The following GRIP1 variants were observed in gnomAD, a reference collection of about 807,000 sequenced individuals.
GRIP1 encodes glutamate receptor-interacting protein 1.
In GRIP1, 45 loss-of-function variants were observed where a neutral mutation model predicts 129.9. That is an observed-to-expected ratio of 0.35 (90% CI 0.27 to 0.44). The LOEUF (loss-of-function observed/expected upper bound fraction) is 0.44, where lower values mean the gene tolerates loss of function less well. Among genes scored for constraint, GRIP1 ranks in the 20% least tolerant of loss-of-function variants. GRIP1 has a pLI of 1.00. For missense variants in GRIP1, 1,196 were observed against 1,396.8 expected (o/e 0.86, Z 2.29); for synonymous variants, 530 against 520.8 (o/e 1.02, Z -0.24).
intron 1 of GRIP1, among the ~76,000 whole-genome samples, chr12:66,732,843 C>T (rs953634425): frequency 6.6e-6 from 1 of 152,092 alleles, no homozygotes; most frequent in African/African-American, 2.4e-5. Context: ...CTAATCCCCA[C>T]TTTGTTCAAT....
chr12:66,487,592 C>G (rs1340102167), intron 7 of GRIP1, among the ~76,000 whole-genome samples: 2 of 152,070 alleles, frequency 1.3e-5, no homozygotes, highest in East Asian at 3.9e-4. Flanking sequence ...TGCAAAATAA[C>G]CAGCTAGCAT....
chr12:66,672,490 AT>A (rs745766200), intron 1 of GRIP1, among the ~76,000 whole-genome samples: 2,273 of 147,522 alleles, frequency 0.015, 32 homozygotes, highest in African/African-American at 0.037. Context: ...ATCTGGGTGC[AT>A]TTTTTTTTTG....
At chr12:66,980,108 A>G (rs2042222122) in intron 1 of GRIP1, among the ~76,000 whole-genome samples, 1 of 152,200 alleles carries the variant, frequency 6.6e-6, no homozygotes, top group Non-Finnish European at 1.5e-5. Context: ...AAGACTCACA[A>G]TCTGGTACCA....
chr12:66,903,001 T>G, intron 1 of GRIP1, among the ~76,000 whole-genome samples: 1 of 152,190 alleles, frequency 6.6e-6, no homozygotes, highest in East Asian at 1.9e-4. Context: ...TTTAAATACA[T>G]TATTTATACA....
intron 1 of GRIP1, among the ~76,000 whole-genome samples, chr12:66,916,014 G>A (rs1170523341): frequency 6.6e-6 from 1 of 152,140 alleles, no homozygotes; most frequent in African/African-American, 2.4e-5. Context: ...TTTTGTTGGG[G>A]GCAAGGGCAG....
chr12:66,362,874 T>G (rs1443034198), intron 23 of GRIP1, among the ~76,000 whole-genome samples: 1 of 151,700 alleles, frequency 6.6e-6, no homozygotes, highest in African/African-American at 2.4e-5. Context: ...CTTCTCTCGC[T>G]CAGAGCTCAG....
intron 1 of GRIP1, among the ~76,000 whole-genome samples, chr12:66,775,474 A>G (rs1480930263): frequency 1.3e-5 from 2 of 152,144 alleles, no homozygotes; most frequent in Admixed American, 1.3e-4. Flanking sequence ...TGGTTTTTTA[A>G]AATCATCTTC....
rs557796844 is a variant in GRIP1, at chr12:66,935,134, T to C, written c.58+133916A>G. ...GCTTTGACTGTGAAGATTTTCTTCA[T>C]AGGACTTTTTGGCCTCAATTAGTTG... On this transcript the variant is annotated intron_variant, in intron 1 of 1. Coordinates refer to the GRIP1 transcript ENST00000643019. Among the ~76,000 whole-genome samples the C allele has an allele frequency of 1.2e-3, 186 of 152,354 alleles. 4 individuals are homozygous for C. The South Asian group carries it at 0.037, about 30-fold the overall frequency.
At chr12:66,360,217 A>C (rs2054687576) in intron 23 of GRIP1, among the ~76,000 whole-genome samples, 1 of 151,194 alleles carries the variant, frequency 6.6e-6, no homozygotes, top group South Asian at 2.1e-4. Flanking sequence ...CTAGCTGGTC[A>C]GGCAGCCTTT....
At chr12:66,354,403 T>C (rs895935356) in intron 23 of GRIP1, among the ~76,000 whole-genome samples, 2 of 152,192 alleles carry the variant, frequency 1.3e-5, no homozygotes, top group East Asian at 1.9e-4. Flanking sequence ...CATGGGGTGC[T>C]AGAAACAGCA....
intron 1 of GRIP1, among the ~76,000 whole-genome samples, chr12:66,616,393 T>C (rs2065039849): frequency 6.6e-6 from 1 of 152,182 alleles, no homozygotes; most frequent in Non-Finnish European, 1.5e-5. Context: ...TGCTTAGTCT[T>C]AGTGCACTAG....
intron 1 of GRIP1, among the ~76,000 whole-genome samples, chr12:66,914,817 C>T (rs1476460018): frequency 6.6e-6 from 1 of 152,128 alleles, no homozygotes; most frequent in African/African-American, 2.4e-5. Context: ...TGAGTCTAAT[C>T]AGGGAGCTGA....
intron 2 of GRIP1, among the ~76,000 whole-genome samples, chr12:66,555,354 C>T (rs945979551): frequency 2.0e-5 from 3 of 152,132 alleles, no homozygotes; most frequent in African/African-American, 7.2e-5. Flanking sequence ...GCTTGGGGTG[C>T]CCCCTAATGC....
At chr12:66,923,076 G>A (rs925611389) in intron 1 of GRIP1, among the ~76,000 whole-genome samples, 2 of 152,138 alleles carry the variant, frequency 1.3e-5, no homozygotes, top group African/African-American at 2.4e-5. Context: ...TATTTTCTAC[G>A]AGAGAAAGAT....
intron 1 of GRIP1, among the ~76,000 whole-genome samples, chr12:67,026,268 CCATT>C (rs1391286830): frequency 2.0e-5 from 3 of 152,314 alleles, no homozygotes; most frequent in African/African-American, 7.2e-5. Context: ...CCTAATCTTA[CCATT>C]CAAAGATAAC....
chr12:66,732,233 C>T (rs1414534831), intron 1 of GRIP1, among the ~76,000 whole-genome samples: 2 of 152,102 alleles, frequency 1.3e-5, no homozygotes, highest in Non-Finnish European at 2.9e-5. Flanking sequence ...ACTCAGCCTA[C>T]TCAACATAAA....
At chr12:66,715,471 T>TGTGTGTGTGTGTGTGTGTGTGGGAGAGA (rs761155485) in intron 1 of GRIP1, among the ~76,000 whole-genome samples, 1 of 110,058 alleles carries the variant, frequency 9.1e-6, no homozygotes, top group Non-Finnish European at 2.0e-5. Context: ...TGTGTGTGTG[T>TGTGTGTGTGTGTGTGTGTGTGGGAGAGA]GAGAGAGAGA....
chr12:67,006,192 G>C (rs1425585778), intron 1 of GRIP1, among the ~76,000 whole-genome samples: 1 of 152,150 alleles, frequency 6.6e-6, no homozygotes, highest in Non-Finnish European at 1.5e-5. Context: ...AAAAATACAA[G>C]CATCAAAGGC....
At chr12:66,368,006 A>G (rs1244994151) in intron 23 of GRIP1, among the ~76,000 whole-genome samples, 1 of 152,222 alleles carries the variant, frequency 6.6e-6, no homozygotes, top group Non-Finnish European at 1.5e-5. Flanking sequence ...GCTTGCCAAG[A>G]TCCCAGTGGA....
Sources: gnomAD v4.1 joint callset for allele counts (sites outside exome capture counted in the v4.1 genomes callset) on GRCh38, gnomAD v4.1.1 for gene constraint, MANE v1.5 for transcripts, NCBI Gene and HGNC (gene_info 2026-07-23, HGNC 2026-07-21) for gene names.